Variants in ARID5B observed in about 807,000 individuals in gnomAD.
ARID5B encodes AT-rich interactive domain-containing protein 5B.
In ARID5B, 13 loss-of-function variants were observed where a neutral mutation model predicts 97.2. The ratio of observed to expected loss-of-function variants is 0.13; its 90% CI spans 0.09 to 0.21. ARID5B has a LOEUF of 0.21. Among genes scored for constraint, ARID5B ranks in the 10% least tolerant of loss-of-function variants. The pLI is 1.00. For missense variants in ARID5B, 1,210 were observed against 1,465.3 expected (o/e 0.83, Z 2.84); for synonymous variants, 556 against 570.3 (o/e 0.97, Z 0.36).
At chr10:62,027,475 A>G (rs1839437477) in intron 4 of ARID5B, among the ~76,000 whole-genome samples, 1 of 148,612 alleles carries the variant, frequency 6.7e-6, no homozygotes, top group East Asian at 2.0e-4. Flanking sequence ...TGCCTGGCTA[A>G]TTTTTTTGTA....
chr10:61,980,546 G>T (rs1462720997), intron 3 of ARID5B, among the ~76,000 whole-genome samples: 1 of 152,166 alleles, frequency 6.6e-6, no homozygotes, highest in East Asian at 1.9e-4. Context: ...TTGTTTATTT[G>T]TCTCTCTTAA....
intron 2 of ARID5B, among the ~76,000 whole-genome samples, chr10:61,922,538 G>C (rs1208913800): frequency 6.6e-6 from 1 of 152,216 alleles, no homozygotes; most frequent in South Asian, 2.1e-4. Context: ...GGGAGGTGGA[G>C]GTTGCAGTGA....
chr10:62,044,692 A>G (rs1839684284), intron 4 of ARID5B, among the ~76,000 whole-genome samples: 1 of 152,196 alleles, frequency 6.6e-6, no homozygotes, highest in South Asian at 2.1e-4. Context: ...TATCTGAGAA[A>G]AAATAATTAC....
At chr10:61,966,308 T>C (rs1838544634) in intron 3 of ARID5B, among the ~76,000 whole-genome samples, 1 of 152,120 alleles carries the variant, frequency 6.6e-6, no homozygotes. Flanking sequence ...GGAGCACGTT[T>C]TAAAATTAGT....
chr10:61,960,227 T>C (rs974944536), intron 3 of ARID5B, among the ~76,000 whole-genome samples: 2 of 152,244 alleles, frequency 1.3e-5, no homozygotes, highest in African/African-American at 4.8e-5. Context: ...CATTCTCTAC[T>C]GTCTGGACAG....
intron 2 of ARID5B, among the ~76,000 whole-genome samples, chr10:61,903,667 G>A (rs1843658793): frequency 6.6e-6 from 1 of 152,190 alleles, no homozygotes; most frequent in Non-Finnish European, 1.5e-5. Flanking sequence ...TTAAATGAAT[G>A]GTTTCCCGTT....
intron 3 of ARID5B, among the ~76,000 whole-genome samples, chr10:61,941,158 G>A (rs1378848943): frequency 6.7e-6 from 1 of 149,760 alleles, no homozygotes; most frequent in Non-Finnish European, 1.5e-5. Context: ...AAAAATAGGG[G>A]AACTTTACAG....
intron 3 of ARID5B, among the ~76,000 whole-genome samples, chr10:61,974,862 G>T (rs564992044): frequency 1.3e-5 from 2 of 151,742 alleles, no homozygotes; most frequent in Non-Finnish European, 2.9e-5. Context: ...TTTGGAAAAT[G>T]AAGTAATTTT....
chr10:62,006,883 A>G (rs1430464083), intron 4 of ARID5B, among the ~76,000 whole-genome samples: 1 of 152,198 alleles, frequency 6.6e-6, no homozygotes, highest in African/African-American at 2.4e-5. Flanking sequence ...AGTGGGCTCA[A>G]TGGGTTATTA....
chr10:62,069,913 C>A, intron 8 of ARID5B, 116 bp downstream of exon 8: 1 of 1,018,624 alleles, frequency 9.8e-7, no homozygotes, highest in Non-Finnish European at 1.4e-6. Context: ...GAAAATTTCC[C>A]TCTGGCATTT....
chr10:62,042,214 G>C (rs1589270982), intron 4 of ARID5B, among the ~76,000 whole-genome samples: 2 of 152,276 alleles, frequency 1.3e-5, no homozygotes, highest in East Asian at 3.9e-4. Context: ...AATGAAAACA[G>C]GAGCTATTTC....
chr10:61,918,351 C>A (rs746136691), intron 2 of ARID5B, among the ~76,000 whole-genome samples: 1 of 152,212 alleles, frequency 6.6e-6, no homozygotes, highest in Non-Finnish European at 1.5e-5. Flanking sequence ...ATGGCTTGAT[C>A]TTGCTGGGCT....
At chr10:61,990,936 C>A (rs916481804) in intron 3 of ARID5B, among the ~76,000 whole-genome samples, 1 of 151,992 alleles carries the variant, frequency 6.6e-6, no homozygotes, top group South Asian at 2.1e-4. Flanking sequence ...CCTAGACCCC[C>A]TGCACCTAGC....
Position 61,993,147 on chromosome 10 carries a change from A to G in ARID5B, c.503-6944A>G, listed in dbSNP as rs553010915. Among the ~76,000 whole-genome samples, 26 of 151,370 alleles carry G rather than the reference A, an allele frequency of 1.7e-4. No homozygotes were observed. In the South Asian group the frequency reaches 3.1e-3, roughly 18 times the overall value. The stretch of plus-strand genomic sequence containing the variant: ...CACACACACACACACACACACACAC[A>G]CACGCACACACAACTGATCTTCCCT... On this transcript the variant is annotated intron_variant, in intron 3 of 9. Transcript: ENST00000279873.
intron 3 of ARID5B, among the ~76,000 whole-genome samples, chr10:61,941,648 G>A (rs538000050): frequency 6.6e-6 from 1 of 152,164 alleles, no homozygotes; most frequent in South Asian, 2.1e-4. Flanking sequence ...GTGATGAGCT[G>A]TGCTGTGTTT....
intron 8 of ARID5B, among the ~76,000 whole-genome samples, chr10:62,082,996 T>C (rs1840233342): frequency 6.6e-6 from 1 of 152,116 alleles, no homozygotes; most frequent in Non-Finnish European, 1.5e-5. Context: ...CAAGCCACTA[T>C]AATTATCTTT....
At chr10:61,921,416 A>C (rs962777362) in intron 2 of ARID5B, among the ~76,000 whole-genome samples, 1 of 152,248 alleles carries the variant, frequency 6.6e-6, no homozygotes, top group Non-Finnish European at 1.5e-5. Context: ...CAGATCTCTC[A>C]GGCTGTTGGA....
chr10:61,925,160 G>A (rs1015033395), intron 2 of ARID5B, among the ~76,000 whole-genome samples: 2 of 151,932 alleles, frequency 1.3e-5, no homozygotes, highest in African/African-American at 2.4e-5. Flanking sequence ...AGCAGAGATC[G>A]CACCACTGCA....
At chr10:61,939,468 T>C (rs1844361490) in intron 2 of ARID5B, among the ~76,000 whole-genome samples, 1 of 152,208 alleles carries the variant, frequency 6.6e-6, no homozygotes, top group Admixed American at 6.5e-5. Context: ...GCATTTCAAC[T>C]ACTTTTCTTA....
Sources: gnomAD v4.1 joint callset for allele counts (sites outside exome capture counted in the v4.1 genomes callset) on GRCh38, gnomAD v4.1.1 for gene constraint, MANE v1.5 for transcripts, NCBI Gene and HGNC (gene_info 2026-07-23, HGNC 2026-07-21) for gene names.